The following SCN11A variants were observed in gnomAD, a reference collection of about 807,000 sequenced individuals.
The protein encoded by SCN11A is sodium channel protein type 11 subunit alpha.
In SCN11A, 122 loss-of-function variants were observed where a neutral mutation model predicts 162.2. That is an observed-to-expected ratio of 0.75 (90% CI 0.65 to 0.87). The LOEUF (loss-of-function observed/expected upper bound fraction) is 0.87. Ranked by LOEUF, SCN11A falls within the 40% of genes least tolerant of loss-of-function variation. The probability of loss-of-function intolerance (pLI) is 0.00; values close to 1 mark genes in which losing one functional copy is unlikely to be tolerated. For synonymous variants in SCN11A, 758 were observed against 751.5 expected, an observed-to-expected ratio of 1.01 and a Z score of -0.14; for missense variants, 2,015 against 2,181.6, an observed-to-expected ratio of 0.92 and a Z score of 1.52.
intron 2 of SCN11A, among the ~76,000 whole-genome samples, chr3:38,977,516 T>C (rs1367213782): frequency 6.6e-6 from 1 of 152,222 alleles, no homozygotes; most frequent in Non-Finnish European, 1.5e-5. Flanking sequence ...CTTTAGAACA[T>C]TGCTTGATAC....
At chr3:39,006,404 G>A (rs1427867369) in intron 2 of SCN11A, among the ~76,000 whole-genome samples, 1 of 152,100 alleles carries the variant, frequency 6.6e-6, no homozygotes, top group Non-Finnish European at 1.5e-5. Context: ...AAATAGCCCA[G>A]CCAGATCATT....
At chr3:38,897,309 T>A in intron 17 of SCN11A, 84 bp from the exon 18 acceptor site, 1 of 1,372,052 alleles carries the variant, frequency 7.3e-7, no homozygotes, top group Non-Finnish European at 9.9e-7. Context: ...GCAAATGACA[T>A]ATACCCAAAC....
intron 2 of SCN11A, among the ~76,000 whole-genome samples, chr3:38,974,353 T>C (rs2066834601): frequency 2.0e-5 from 3 of 151,770 alleles, no homozygotes; most frequent in Non-Finnish European, 2.9e-5. Context: ...GAATACAAAA[T>C]GATGCAAAAT....
chr3:38,919,228 A>G (rs895062179), intron 11 of SCN11A, among the ~76,000 whole-genome samples: 1 of 152,224 alleles, frequency 6.6e-6, no homozygotes, highest in African/African-American at 2.4e-5. Flanking sequence ...CATCAAATCC[A>G]AAAACGTGGA....
At position 38,952,103 on chromosome 3, in the gene SCN11A, G is replaced by A. The variant is rs574632269; in HGVS notation, c.-8+1526C>T. ...TCACTCTTGAAGCCAGCAAGACCACGAGCCCACCAGGAGGAATGAACAACT... is the reference window on the plus strand; with the variant it reads ...TCACTCTTGAAGCCAGCAAGACCACAAGCCCACCAGGAGGAATGAACAACT... On this transcript the variant is annotated intron_variant, in intron 4 of 29. Transcript: ENST00000302328. 1.1e-4 allele frequency among the ~76,000 whole-genome samples: 17 copies of A among 152,180 alleles called. No individual in the cohort carries two copies. In the South Asian group the frequency reaches 3.1e-3, roughly 28 times the overall value.
intron 2 of SCN11A, among the ~76,000 whole-genome samples, chr3:39,019,724 T>C (rs1432101235): frequency 1.3e-5 from 2 of 152,256 alleles, no homozygotes. Flanking sequence ...GTTCTTTTCA[T>C]AACTTTTGAG....
intron 19 of SCN11A, among the ~76,000 whole-genome samples, chr3:38,892,123 A>G (rs1482533875): frequency 6.6e-6 from 1 of 152,228 alleles, no homozygotes. Flanking sequence ...AGGCAGTGAT[A>G]TGATATATTC....
At chr3:38,983,429 T>A (rs910594135) in intron 2 of SCN11A, among the ~76,000 whole-genome samples, 10 of 152,156 alleles carry the variant, frequency 6.6e-5, no homozygotes, top group Non-Finnish European at 1.5e-5. Flanking sequence ...AGACACTGGG[T>A]CCTCTGTGGC....
intron 2 of SCN11A, among the ~76,000 whole-genome samples, chr3:39,009,843 ATTTT>A (rs60263866): frequency 0.038 from 4,384 of 115,280 alleles, 236 homozygotes; most frequent in African/African-American, 0.13. Flanking sequence ...CGCTCAGCTA[ATTTT>A]TTTTTTTTTT....
chr3:38,905,315 G>A lies in SCN11A; in HGVS notation c.1480C>T (p.Leu494Phe), dbSNP rs770239361. The part of the protein sequence containing the change: ...SDEDCQKKPQ[L>F]LEQTKRLSQN... ...GACAGTCGTTTGGTTTGCTCTAGGA[G>A]CTGTGGCTGTAAGAGAAGGCATAGG... is the stretch of plus-strand genomic sequence containing the variant. The change falls in exon 15 of 30, where the codon CTC becomes TTC. Residue 494 changes from leucine (L) to phenylalanine (F), a missense_variant. Transcript: ENST00000302328. 17 of 1,613,308 alleles carry A rather than the reference G, an allele frequency of 1.1e-5. No homozygotes were observed. The highest frequency in any genetic ancestry group is 1.3e-5 in the African/African-American group (1 of 74,896).
chr3:38,929,688 G>A (rs777276890), intron 7 of SCN11A, among the ~76,000 whole-genome samples: 10 of 152,076 alleles, frequency 6.6e-5, no homozygotes, highest in Middle Eastern at 3.2e-3. Context: ...GCATTATTAT[G>A]GTATTAAGAG....
chr3:38,869,581 T>C (rs1026841069), intron 26 of SCN11A, among the ~76,000 whole-genome samples: 6 of 152,116 alleles, frequency 3.9e-5, no homozygotes, highest in Non-Finnish European at 8.8e-5. Context: ...GTATATTAAC[T>C]TATAATGACA....
intron 4 of SCN11A, among the ~76,000 whole-genome samples, chr3:38,952,344 G>C (rs2066633176): frequency 6.6e-6 from 1 of 152,174 alleles, no homozygotes; most frequent in Non-Finnish European, 1.5e-5. Flanking sequence ...TAGTATTCAG[G>C]TTGAATGCCT....
rs570213533 is a variant in SCN11A at position 38,855,878 on chromosome 3, T to C, written c.4057-5127A>G. Among the ~76,000 whole-genome samples the C allele has an allele frequency of 3.3e-5, 5 of 152,124 alleles. No individual in the cohort carries two copies. In the East Asian group the frequency reaches 9.7e-4, roughly 29 times the overall value. On this transcript the variant is annotated intron_variant, in intron 28 of 29. Transcript: ENST00000302328. ...CACAGCTGGGAAACCTGAAAACAGATCACATCACAGGACTCTTTGCAAACA... is the reference window on the plus strand; with the variant it reads ...CACAGCTGGGAAACCTGAAAACAGACCACATCACAGGACTCTTTGCAAACA...
intron 28 of SCN11A, among the ~76,000 whole-genome samples, chr3:38,855,252 TCCCC>T (rs2064848590): frequency 6.6e-6 from 1 of 152,252 alleles, no homozygotes; most frequent in East Asian, 1.9e-4. Context: ...CTACTGGCTA[TCCCC>T]CACTTCTCTG....
chr3:38,916,457 A>T (rs1020081551), intron 11 of SCN11A, among the ~76,000 whole-genome samples: 5 of 152,156 alleles, frequency 3.3e-5, no homozygotes, highest in Non-Finnish European at 5.9e-5. Context: ...TACTCTATGC[A>T]TCCATTCTCT....
rs771382333 is a variant in SCN11A at position 38,897,008 on chromosome 3, C to T, written c.2240G>A (p.Arg747Gln). 7 of 1,614,040 alleles carry T rather than the reference C, an allele frequency of 4.3e-6. No homozygotes were observed. The highest frequency in any genetic ancestry group is 4.5e-5 in the East Asian group (2 of 44,860). ...NPTGPTVSCL[R>Q]HWHMGDFWHS... ...CCAGAAATCCCCCATGTGCCAGTGC[C>T]GTAAACATGAGACTGTCGGGCCTGT... is the stretch of plus-strand genomic sequence containing the variant. Residue 747 changes from arginine to glutamine, a missense_variant, in exon 18 of 30, where the codon CGG (arginine) becomes CAG (glutamine). Coordinates refer to ENST00000302328, the MANE Select transcript of SCN11A (RefSeq NM_001349253.2).
rs1363647201 is a variant in SCN11A, at chr3:38,886,052, T to C, written c.2949+73A>G. On this transcript the variant is annotated intron_variant, in intron 20 of 29. Coordinates refer to ENST00000302328, the MANE Select transcript of SCN11A (RefSeq NM_001349253.2). ...TTCTCTGCATTAATTGTGCCATTTT[T>C]CCATAATAACTATCCTGGAGAAGGT... The C allele has an allele frequency of 5.2e-6, 5 of 969,348 alleles. 1 individual carries two copies. Among genetic ancestry groups the C allele is most frequent in the Non-Finnish European group, 7.9e-6 (5 of 633,894 alleles). 60.0% of individuals were successfully genotyped at this position (969,348 alleles called of 1,614,324 possible).
At chr3:38,905,913 A>G (rs529837896) in intron 14 of SCN11A, among the ~76,000 whole-genome samples, 1 of 152,338 alleles carries the variant, frequency 6.6e-6, no homozygotes, top group African/African-American at 2.4e-5. Context: ...CTACAATTCT[A>G]AAGTTACTGG....
Sources: allele counts gnomAD v4.1 joint callset (sites outside exome capture counted in the v4.1 genomes callset), GRCh38; gene constraint gnomAD v4.1.1; transcripts MANE v1.5; gene names NCBI Gene and HGNC (gene_info 2026-07-23, HGNC 2026-07-21).